CENPU: variants seen among roughly 807,000 people sequenced by gnomAD.
CENPU encodes KSHV latent nuclear antigen interacting protein 1.
Under a neutral mutation model 56.7 loss-of-function variants are expected in CENPU, and 46 were observed. The ratio of observed to expected loss-of-function variants is 0.81; its 90% CI spans 0.64 to 1.04. CENPU has a LOEUF of 1.04. Among genes scored for constraint, CENPU ranks in the 50% least tolerant of loss-of-function variants. CENPU has a pLI of 0.00. For synonymous variants in CENPU, 166 were observed against 163.0 expected, an observed-to-expected ratio of 1.02 and a Z score of -0.14; for missense variants, 510 against 490.1, an observed-to-expected ratio of 1.04 and a Z score of -0.38.
At chr4:184,733,936 G>A in intron 1 of CENPU, 80 bp downstream of exon 1, 1 of 1,580,224 alleles carries the variant, frequency 6.3e-7, no homozygotes, top group Non-Finnish European at 8.7e-7. Context: ...AACAGCGCCG[G>A]GAGGCGCAAA....
intron 4 of CENPU, 130 bp downstream of exon 4, chr4:184,724,824 TCTC>T: frequency 1.7e-6 from 1 of 579,430 alleles, no homozygotes; most frequent in Non-Finnish European, 3.0e-6. Context: ...ATGCCTCAGT[TCTC>T]TTGAGAAAAA....
intron 12 of CENPU, among the ~76,000 whole-genome samples, chr4:184,695,977 C>T (rs1358043797): frequency 6.6e-6 from 1 of 152,156 alleles, no homozygotes; most frequent in African/African-American, 2.4e-5. Flanking sequence ...AGAATACAAA[C>T]CCAACATAAA....
rs755553420 is a variant in CENPU, at chr4:184,695,356, G to T, written c.1189C>A (p.Leu397Ile). The change falls in exon 13 of 13, where the codon CTT becomes ATT. Residue 397 changes from leucine to isoleucine, a missense_variant. Leu to Ile is a conservative substitution (Grantham distance 5). Transcript: ENST00000281453. The part of the protein sequence containing the change: ...LPALLFKART[L>I]LGAESHLRNI... Reference sequence around the variant, plus strand: ...CGCAGATGGCTTTCGGCTCCCAGAAGTGTTCTTGCTTTAAATAACAGAGCT... The same window carrying T: ...CGCAGATGGCTTTCGGCTCCCAGAATTGTTCTTGCTTTAAATAACAGAGCT... The T allele has an allele frequency of 2.5e-6, 4 of 1,613,424 alleles. No individual in the cohort carries two copies. Among genetic ancestry groups the T allele is most frequent in the Non-Finnish European group, 3.4e-6 (4 of 1,179,534 alleles).
intron 10 of CENPU, among the ~76,000 whole-genome samples, chr4:184,701,694 GT>G (rs1359470346): frequency 2.0e-5 from 3 of 152,134 alleles, no homozygotes; most frequent in Non-Finnish European, 2.9e-5. Flanking sequence ...ACCTGGGACA[GT>G]TCTTTATTCT....
intron 8 of CENPU, among the ~76,000 whole-genome samples, chr4:184,704,847 G>A (rs1011299837): frequency 3.9e-5 from 6 of 152,100 alleles, no homozygotes; most frequent in African/African-American, 1.4e-4. Context: ...CTAGAGATGG[G>A]CTGCTTAACA....
intron 7 of CENPU, among the ~76,000 whole-genome samples, chr4:184,711,150 C>T (rs779182215): frequency 2.0e-5 from 3 of 152,162 alleles, no homozygotes; most frequent in African/African-American, 4.8e-5. Context: ...CCACCATGCC[C>T]GGCCCCCAAT....
At chr4:184,730,899 C>G (rs1761617422) in intron 2 of CENPU, 21 bp downstream of exon 2, 2 of 1,567,914 alleles carry the variant, frequency 1.3e-6, no homozygotes, top group Non-Finnish European at 1.7e-6. Flanking sequence ...GAGAAAACCA[C>G]AACACAAAAA....
intron 8 of CENPU, among the ~76,000 whole-genome samples, chr4:184,709,485 C>G (rs1394856928): frequency 3.1e-5 from 4 of 128,870 alleles, no homozygotes; most frequent in African/African-American, 1.1e-4. Context: ...GACTCCATCT[C>G]AAAAAAAAAA....
chr4:184,694,311 G>A lies in CENPU; in HGVS notation c.*977C>T. The A allele has an allele frequency of 7.5e-7, 1 of 1,329,702 alleles. No homozygotes were observed. Among genetic ancestry groups the A allele is most frequent in the South Asian group, 2.2e-5 (1 of 45,912 alleles). 82.4% of individuals were successfully genotyped at this position (1,329,702 alleles called of 1,614,324 possible). On this transcript the variant is annotated 3_prime_UTR_variant, in exon 13 of 13. Transcript: ENST00000281453. ...AACTGTAGGTAATTTCAAATTTGGA[G>A]TTTCAAGTGTGTCTGAGCTTCAGTG...
chr4:184,730,948 G>C lies in CENPU; in HGVS notation c.68C>G (p.Thr23Ser), dbSNP rs773515123. 1 of 1,579,568 alleles carries C rather than the reference G, an allele frequency of 6.3e-7. No individual in the cohort carries two copies. Among genetic ancestry groups the C allele is most frequent in the Admixed American group, 2.0e-5 (1 of 49,820 alleles). The change falls in exon 2 of 13, where the codon ACT becomes AGT. Residue 23 changes from threonine to serine, a missense_variant. Transcript: ENST00000281453. ...RSEGARRSKN[T>S]LERTHSMKDK... ...TTTCATGGAATGTGTTCTTTCTAAA[G>C]TGTTCTTTGAACGTCTTGCGCTATT...
chr4:184,706,607 G>A (rs28558715), intron 8 of CENPU, among the ~76,000 whole-genome samples: 27,147 of 152,202 alleles, frequency 0.18, 2,725 homozygotes, highest in African/African-American at 0.26. Flanking sequence ...ATACTGATAT[G>A]ACAGTGAAGC....
intron 8 of CENPU, among the ~76,000 whole-genome samples, chr4:184,705,867 T>C (rs1760710524): frequency 1.3e-5 from 2 of 152,088 alleles, no homozygotes; most frequent in African/African-American, 2.4e-5. Context: ...AAAAGACAAA[T>C]ACTGGATGGT....
At chr4:184,711,940 G>A (rs959150133) in intron 7 of CENPU, among the ~76,000 whole-genome samples, 1 of 152,002 alleles carries the variant, frequency 6.6e-6, no homozygotes, top group African/African-American at 2.4e-5. Context: ...GGCCAATATG[G>A]TAAAACCCCG....
At chr4:184,701,251 A>AT (rs1760525732) in intron 10 of CENPU, among the ~76,000 whole-genome samples, 3 of 152,212 alleles carry the variant, frequency 2.0e-5, no homozygotes, top group African/African-American at 7.2e-5. Context: ...GTATTTTAAA[A>AT]GAAATATTTC....
chr4:184,730,897 C>T, intron 2 of CENPU, 23 bp downstream of exon 2: 1 of 1,564,886 alleles, frequency 6.4e-7, no homozygotes, highest in Non-Finnish European at 8.6e-7. Context: ...TTGAGAAAAC[C>T]ACAACACAAA....
intron 4 of CENPU, among the ~76,000 whole-genome samples, chr4:184,720,670 AAT>A (rs1404963203): frequency 6.6e-6 from 1 of 152,176 alleles, no homozygotes; most frequent in Non-Finnish European, 1.5e-5. Context: ...ATGGAGCTCC[AAT>A]ATGTCTGGCA....
At chr4:184,700,951 G>A (rs1760514888) in intron 10 of CENPU, 70 bp from the exon 11 acceptor site, 1 of 1,261,072 alleles carries the variant, frequency 7.9e-7, no homozygotes, top group East Asian at 2.3e-5. Flanking sequence ...AAGCTGCCAG[G>A]TAATGAAGTG....
chr4:184,698,861 G>A (rs1386570136), intron 11 of CENPU, among the ~76,000 whole-genome samples: 3 of 151,310 alleles, frequency 2.0e-5, no homozygotes, highest in African/African-American at 7.3e-5. Flanking sequence ...AGTGAATCCT[G>A]GCTCCCTGAC....
intron 4 of CENPU, among the ~76,000 whole-genome samples, chr4:184,723,861 A>T (rs1007232723): frequency 3.9e-4 from 59 of 151,420 alleles, no homozygotes; most frequent in Non-Finnish European, 7.7e-4. Flanking sequence ...AAAAAAAAAA[A>T]AAAAATAAGC....
Sources: gnomAD v4.1 joint callset for allele counts (sites outside exome capture counted in the v4.1 genomes callset) on GRCh38, gnomAD v4.1.1 for gene constraint, MANE v1.5 for transcripts, NCBI Gene and HGNC (gene_info 2026-07-23, HGNC 2026-07-21) for gene names.